GOLIM4: variants seen among roughly 807,000 people sequenced by gnomAD.
GOLIM4 encodes the protein golgi integral membrane protein 4, also known as 130 kDa golgi-localized phosphoprotein.
A neutral mutation model predicts 107.4 loss-of-function variants in GOLIM4; 71 were observed. That is an observed-to-expected ratio of 0.66 (90% CI 0.55 to 0.81). The LOEUF is 0.81. Among genes scored for constraint, GOLIM4 ranks in the 30% least tolerant of loss-of-function variants. The pLI is 0.00. For missense variants in GOLIM4, 830 were observed against 826.1 expected (o/e 1.00, Z -0.06); for synonymous variants, 327 against 294.8 (o/e 1.11, Z -1.12).
At chr3:168,079,276 C>G (rs1016546508) in intron 1 of GOLIM4, among the ~76,000 whole-genome samples, 5 of 152,170 alleles carry the variant, frequency 3.3e-5, no homozygotes, top group African/African-American at 9.7e-5. Context: ...CTACATGTAA[C>G]AGTCTGGATG....
rs767734367 is a variant in GOLIM4 at position 168,040,801 on chromosome 3, T to G, written c.669A>C (p.Ala223=). ...CCCTTCTAACCTGTGCAGCAGCTAG[T>G]GCACTCTTGTGGTCTTCCAAAGTCA... ...LVVTLEDHKS[A]LAAAQTQVAE... The change falls in exon 7 of 16, where the codon GCA becomes GCC. Residue 223 remains alanine, a synonymous_variant. Transcript: ENST00000470487. The G allele has an allele frequency of 5.0e-6, 8 of 1,610,452 alleles. No homozygotes were observed. Among genetic ancestry groups the G allele is most frequent in the Non-Finnish European group, 6.8e-6 (8 of 1,176,690 alleles).
At chr3:168,071,263 C>G (rs75985428) in intron 1 of GOLIM4, among the ~76,000 whole-genome samples, 1,808 of 152,312 alleles carry the variant, frequency 0.012, 78 homozygotes, top group Admixed American at 0.076. Flanking sequence ...TCTTTTACTA[C>G]CTTGTCACTT....
intron 9 of GOLIM4, among the ~76,000 whole-genome samples, chr3:168,030,740 G>A (rs1254287272): frequency 6.6e-6 from 1 of 152,170 alleles, no homozygotes; most frequent in Non-Finnish European, 1.5e-5. Flanking sequence ...GGAGAAAGGG[G>A]AACCCTCGTA....
intron 1 of GOLIM4, among the ~76,000 whole-genome samples, chr3:168,077,816 A>G (rs950837732): frequency 6.6e-6 from 1 of 152,136 alleles, no homozygotes; most frequent in African/African-American, 2.4e-5. Context: ...TTCTATTGCT[A>G]AGGCCTTATT....
At chr3:168,055,875 A>C (rs1719933217) in intron 1 of GOLIM4, among the ~76,000 whole-genome samples, 2 of 152,200 alleles carry the variant, frequency 1.3e-5, no homozygotes, top group Admixed American at 1.3e-4. Context: ...AGAGCATAAA[A>C]GTTCAGAAAA....
At chr3:168,065,901 T>C (rs1720520921) in intron 1 of GOLIM4, among the ~76,000 whole-genome samples, 1 of 152,218 alleles carries the variant, frequency 6.6e-6, no homozygotes, top group African/African-American at 2.4e-5. Flanking sequence ...ATTAGTAAAA[T>C]AAAAGAGCTT....
At chr3:168,030,303 A>C (rs1178334652) in intron 9 of GOLIM4, among the ~76,000 whole-genome samples, 1 of 152,194 alleles carries the variant, frequency 6.6e-6, no homozygotes, top group Non-Finnish European at 1.5e-5. Context: ...AACAGAAGGG[A>C]CAACCGAAGA....
Position 168,033,606 on chromosome 3 carries a change from CAAAAAAAAAAAAAA to C in GOLIM4, c.844-768_844-755del, listed in dbSNP as rs61728774. 4.8e-3 allele frequency among the ~76,000 whole-genome samples: 149 copies of C among 31,308 alleles called. 1 individual carries two copies. Among genetic ancestry groups the C allele is most frequent in the African/African-American group, 4.8e-3 (53 of 11,034 alleles). The allele number at this position is 31,308 out of a possible 152,430, so 20.5% of individuals were successfully genotyped here. A position where few individuals can be genotyped will look rare whatever the true frequency, so the allele number is the denominator to read the frequency against. On this transcript the variant is annotated intron_variant, in intron 8 of 15. Coordinates refer to ENST00000470487, the MANE Select transcript of GOLIM4 (RefSeq NM_014498.5). ...TGGGCGACAGAGCAAGACTCCGTCT[CAAAAAAAAAAAAAA>C]AAAAAAAAAAAAAAAAAAAAAGAAT... is the stretch of plus-strand genomic sequence containing the variant.
intron 14 of GOLIM4, among the ~76,000 whole-genome samples, chr3:168,013,242 AG>A (rs1179255447): frequency 6.6e-6 from 1 of 151,638 alleles, no homozygotes; most frequent in Non-Finnish European, 1.5e-5. Flanking sequence ...TTGCAATCCG[AG>A]TCTCTGATAA....
intron 9 of GOLIM4, among the ~76,000 whole-genome samples, chr3:168,030,288 A>G (rs1718244790): frequency 6.6e-6 from 1 of 152,198 alleles, no homozygotes; most frequent in Non-Finnish European, 1.5e-5. Context: ...TCCCTTCTCA[A>G]ATGGAACAGA....
intron 1 of GOLIM4, among the ~76,000 whole-genome samples, chr3:168,055,922 C>T (rs1217554930): frequency 6.6e-6 from 1 of 152,174 alleles, no homozygotes; most frequent in Non-Finnish European, 1.5e-5. Context: ...AAGAAAATCC[C>T]ATTTTCTGAA....
At chr3:168,080,372 T>C (rs1180763075) in intron 1 of GOLIM4, among the ~76,000 whole-genome samples, 1 of 152,200 alleles carries the variant, frequency 6.6e-6, no homozygotes, top group African/African-American at 2.4e-5. Flanking sequence ...ATGAGAGTTG[T>C]GTTTAACAGA....
intron 1 of GOLIM4, among the ~76,000 whole-genome samples, chr3:168,091,300 T>C (rs1472777957): frequency 1.3e-5 from 2 of 152,222 alleles, no homozygotes; most frequent in African/African-American, 4.8e-5. Flanking sequence ...TACTGTGTTT[T>C]AGGAATGTCA....
rs939274566 is a variant in GOLIM4 at position 168,008,730 on chromosome 3, T to C, written c.*1539A>G. On this transcript the variant is annotated 3_prime_UTR_variant, in exon 16 of 16. Coordinates refer to ENST00000470487, the MANE Select transcript of GOLIM4 (RefSeq NM_014498.5). ...TATTGACTATTACCAACTTTCAGTA[T>C]GGTTCAAATAATTAAATACTGCAAC... The C allele has an allele frequency of 1.8e-4, 28 of 152,126 alleles. No individual in the cohort carries two copies. Among genetic ancestry groups the C allele is most frequent in the Admixed American group, 1.2e-3 (19 of 15,280 alleles). 9.4% of individuals were successfully genotyped at this position (152,126 alleles called of 1,614,324 possible). A position where few individuals can be genotyped will look rare whatever the true frequency, so the allele number is the denominator to read the frequency against.
chr3:168,032,622 C>T lies in GOLIM4; in HGVS notation c.1074G>A (p.Glu358=). 6.2e-7 allele frequency: 1 copy of T among 1,614,034 alleles called. No individual in the cohort carries two copies. Residue 358 remains glutamate, a synonymous_variant, in exon 9 of 16, where the codon GAG becomes GAA. Transcript: ENST00000470487. The part of the protein sequence containing the change: ...MEQVGQAEHL[E]EEHDPSPEEQ... Reference sequence around the variant, plus strand: ...CCTCTGGTGATGGATCGTGTTCCTCCTCAAGATGTTCTGCTTGCCCGACCT... The same window carrying T: ...CCTCTGGTGATGGATCGTGTTCCTCTTCAAGATGTTCTGCTTGCCCGACCT...
chr3:168,041,279 A>G, intron 6 of GOLIM4, 113 bp downstream of exon 6: 1 of 667,906 alleles, frequency 1.5e-6, no homozygotes, highest in Admixed American at 2.4e-5. Flanking sequence ...TGCAAAGCCC[A>G]CAATAACAAC....
intron 1 of GOLIM4, among the ~76,000 whole-genome samples, chr3:168,071,605 A>AT (rs1720833797): frequency 6.7e-6 from 1 of 149,872 alleles, no homozygotes; most frequent in Admixed American, 6.7e-5. Context: ...CTGAAAAGAG[A>AT]TTTTCTGGGG....
chr3:168,068,805 T>C (rs1720681460), intron 1 of GOLIM4, among the ~76,000 whole-genome samples: 1 of 151,604 alleles, frequency 6.6e-6, no homozygotes, highest in Admixed American at 6.6e-5. Context: ...TCTTAAAACT[T>C]TTCTGCACTT....
At chr3:168,060,256 CTT>C (rs1720188990) in intron 1 of GOLIM4, among the ~76,000 whole-genome samples, 1 of 152,064 alleles carries the variant, frequency 6.6e-6, no homozygotes, top group Non-Finnish European at 1.5e-5. Context: ...ATGATGTTGA[CTT>C]AGGTTTTAAA....
Sources: gnomAD v4.1 joint callset for allele counts (sites outside exome capture counted in the v4.1 genomes callset) on GRCh38, gnomAD v4.1.1 for gene constraint, MANE v1.5 for transcripts, NCBI Gene and HGNC (gene_info 2026-07-23, HGNC 2026-07-21) for gene names.